Variants in KCNIP4 observed in about 807,000 individuals in gnomAD.
KCNIP4 encodes potassium voltage-gated channel interacting protein 4, also known as Kv channel-interacting protein 4.
A neutral mutation model predicts 34.0 loss-of-function variants in KCNIP4; 12 were observed. The ratio of observed to expected loss-of-function variants is 0.35; its 90% CI spans 0.23 to 0.57. The LOEUF (loss-of-function observed/expected upper bound fraction) is 0.57. Among genes scored for constraint, KCNIP4 ranks in the 20% least tolerant of loss-of-function variants. The probability of loss-of-function intolerance (pLI) is 0.83; values close to 1 mark genes in which losing one functional copy is unlikely to be tolerated. For missense variants in KCNIP4, 238 were observed against 311.7 expected, an observed-to-expected ratio of 0.76 and a Z score of 1.78; for synonymous variants, 124 against 102.2, an observed-to-expected ratio of 1.21 and a Z score of -1.29.
intron 1 of KCNIP4, among the ~76,000 whole-genome samples, chr4:20,885,277 A>T (rs181447759): frequency 6.9e-6 from 1 of 144,146 alleles, no homozygotes; most frequent in East Asian, 2.1e-4. Flanking sequence ...GTTATTCTCG[A>T]GGTCATGAGA....
At chr4:21,940,511 G>A (rs565128658) in intron 1 of KCNIP4, among the ~76,000 whole-genome samples, 1 of 152,246 alleles carries the variant, frequency 6.6e-6, no homozygotes, top group Non-Finnish European at 1.5e-5. Flanking sequence ...TGCATATTCA[G>A]TTACTAAATC....
At chr4:21,508,943 A>G (rs1734084858) in intron 1 of KCNIP4, among the ~76,000 whole-genome samples, 1 of 152,132 alleles carries the variant, frequency 6.6e-6, no homozygotes, top group Non-Finnish European at 1.5e-5. Flanking sequence ...TAACATGGAC[A>G]CCTTCTTGCT....
intron 3 of KCNIP4, among the ~76,000 whole-genome samples, chr4:20,809,294 C>T (rs543769475): frequency 1.3e-5 from 2 of 152,220 alleles, no homozygotes; most frequent in South Asian, 4.2e-4. Context: ...TGACCTTGTG[C>T]CATTCAGCCT....
chr4:21,655,906 A>G (rs1054039386), intron 1 of KCNIP4, among the ~76,000 whole-genome samples: 3 of 152,202 alleles, frequency 2.0e-5, no homozygotes, highest in Non-Finnish European at 2.9e-5. Flanking sequence ...CTGCCACCTT[A>G]CTAGTGGGTA....
intron 1 of KCNIP4, among the ~76,000 whole-genome samples, chr4:21,235,584 C>T (rs1035004956): frequency 6.6e-6 from 1 of 152,192 alleles, no homozygotes; most frequent in Admixed American, 6.6e-5. Flanking sequence ...GTATGACCCA[C>T]TCCGTCCTTC....
intron 1 of KCNIP4, among the ~76,000 whole-genome samples, chr4:21,707,620 G>A (rs528147530): frequency 1.3e-5 from 2 of 152,116 alleles, no homozygotes; most frequent in African/African-American, 2.4e-5. Context: ...ACAGGAGATG[G>A]GAGCAGATGT....
At chr4:20,920,385 T>C (rs1296528762) in intron 1 of KCNIP4, among the ~76,000 whole-genome samples, 1 of 152,226 alleles carries the variant, frequency 6.6e-6, no homozygotes, top group African/African-American at 2.4e-5. Flanking sequence ...TTAATAATCA[T>C]TGTAAAGTAC....
chr4:21,535,374 A>G (rs1737068394), intron 1 of KCNIP4, among the ~76,000 whole-genome samples: 1 of 152,170 alleles, frequency 6.6e-6, no homozygotes, highest in Non-Finnish European at 1.5e-5. Context: ...TGAAGCATGA[A>G]AACTAGAAAG....
At chr4:21,298,457 C>T (rs1202891923) in intron 1 of KCNIP4, among the ~76,000 whole-genome samples, 1 of 152,132 alleles carries the variant, frequency 6.6e-6, no homozygotes, top group Non-Finnish European at 1.5e-5. Flanking sequence ...TCATAAATAA[C>T]AGTCGTCCTG....
At chr4:21,841,597 G>T (rs192382312) in intron 1 of KCNIP4, among the ~76,000 whole-genome samples, 1 of 152,160 alleles carries the variant, frequency 6.6e-6, no homozygotes, top group Admixed American at 6.5e-5. Context: ...TAAGATGACT[G>T]TCCAATTTCA....
At chr4:21,513,672 C>G (rs755102999) in intron 1 of KCNIP4, among the ~76,000 whole-genome samples, 1 of 152,238 alleles carries the variant, frequency 6.6e-6, no homozygotes, top group Admixed American at 6.5e-5. Context: ...TCAGCCTTCA[C>G]GTGGCATGTG....
intron 1 of KCNIP4, among the ~76,000 whole-genome samples, chr4:21,107,423 C>T (rs1263479106): frequency 2.0e-5 from 3 of 150,940 alleles, no homozygotes; most frequent in African/African-American, 7.4e-5. Flanking sequence ...ATTGCAACCC[C>T]TGCCTTTTTT....
intron 1 of KCNIP4, among the ~76,000 whole-genome samples, chr4:21,886,825 T>TCTG (rs397812145): frequency 6.7e-6 from 1 of 149,602 alleles, no homozygotes. Context: ...AAGCTCTTCT[T>TCTG]TTTATTTTTC....
intron 1 of KCNIP4, among the ~76,000 whole-genome samples, chr4:21,291,545 C>A (rs1332222231): frequency 5.9e-5 from 9 of 151,926 alleles, no homozygotes; most frequent in African/African-American, 2.2e-4. Context: ...ACAAATGCAC[C>A]ACCATTAAAA....
chr4:21,734,964 A>G (rs1252024057), intron 1 of KCNIP4, among the ~76,000 whole-genome samples: 1 of 152,178 alleles, frequency 6.6e-6, no homozygotes, highest in African/African-American at 2.4e-5. Context: ...TAGTGTAAAG[A>G]GAGACCAATA....
chr4:21,053,923 T>C (rs1379731770), intron 1 of KCNIP4, among the ~76,000 whole-genome samples: 1 of 152,208 alleles, frequency 6.6e-6, no homozygotes, highest in Non-Finnish European at 1.5e-5. Context: ...ATTGTCAAGA[T>C]GTAAGTTCTT....
intron 1 of KCNIP4, among the ~76,000 whole-genome samples, chr4:21,792,018 A>C (rs1339440066): frequency 7.3e-5 from 11 of 150,218 alleles, no homozygotes; most frequent in Non-Finnish European, 5.9e-5. Flanking sequence ...AAAAAAAAAA[A>C]AAAAAAAAAA....
chr4:21,041,986 T>C (rs1177108010), intron 1 of KCNIP4, among the ~76,000 whole-genome samples: 1 of 152,182 alleles, frequency 6.6e-6, no homozygotes, highest in Non-Finnish European at 1.5e-5. Flanking sequence ...ACAAGGATGC[T>C]GCAAGGATTG....
chr4:20,924,310 A>C (rs992600759), intron 1 of KCNIP4, among the ~76,000 whole-genome samples: 1 of 152,184 alleles, frequency 6.6e-6, no homozygotes, highest in Non-Finnish European at 1.5e-5. Flanking sequence ...ATGTATCAGT[A>C]ATGCCAAGAA....
Sources: allele counts gnomAD v4.1 joint callset (sites outside exome capture counted in the v4.1 genomes callset), GRCh38; gene constraint gnomAD v4.1.1; transcripts MANE v1.5; gene names NCBI Gene and HGNC (gene_info 2026-07-23, HGNC 2026-07-21).